The following IL1RAPL2 variants were observed in gnomAD, a reference collection of about 807,000 sequenced individuals.
IL1RAPL2 encodes interleukin 1 receptor accessory protein like 2.
A neutral mutation model predicts 44.1 loss-of-function variants in IL1RAPL2; 3 were observed. The observed-to-expected ratio is 0.07, with a 90% CI of 0.03 to 0.18. IL1RAPL2 has a LOEUF of 0.18. Among genes scored for constraint, IL1RAPL2 ranks in the 10% least tolerant of loss-of-function variants. The pLI, the probability that IL1RAPL2 is intolerant of heterozygous loss-of-function variation, is 1.00. For synonymous variants in IL1RAPL2, 181 were observed against 178.8 expected (o/e 1.01, Z -0.10); for missense variants, 391 against 496.4 (o/e 0.79, Z 2.02).
At chrX:105,220,959 G>A (rs1403090198) in intron 3 of IL1RAPL2, among the ~76,000 whole-genome samples, 2 of 111,955 alleles carry the variant, frequency 1.8e-5, no homozygotes, top group Non-Finnish European at 3.8e-5. Flanking sequence ...CCATGCCAAC[G>A]GCTAGTAGGG....
At chrX:105,530,073 G>A (rs1172507965) in intron 6 of IL1RAPL2, among the ~76,000 whole-genome samples, 2 of 111,803 alleles carry the variant, frequency 1.8e-5, no homozygotes, top group Non-Finnish European at 3.8e-5. Flanking sequence ...ATTCTCTTGG[G>A]TATATACATG....
intron 6 of IL1RAPL2, among the ~76,000 whole-genome samples, chrX:105,603,201 T>TA (rs1277074179): frequency 9.7e-6 from 1 of 103,497 alleles, no homozygotes; most frequent in African/African-American, 3.6e-5. Flanking sequence ...GTAAATATAT[T>TA]AAATCCCCAA....
At chrX:105,669,435 A>C (rs1371611397) in intron 6 of IL1RAPL2, among the ~76,000 whole-genome samples, 1 of 111,541 alleles carries the variant, frequency 9.0e-6, no homozygotes, top group Non-Finnish European at 1.9e-5. Context: ...CCCATAGCCA[A>C]ATACCTGAGA....
intron 2 of IL1RAPL2, among the ~76,000 whole-genome samples, chrX:104,800,460 A>AACAAG (rs1365678405): frequency 1.8e-5 from 2 of 112,192 alleles, no homozygotes; most frequent in Non-Finnish European, 3.8e-5. Flanking sequence ...GCAAGAGATC[A>AACAAG]GTGACACTGT....
At chrX:105,419,388 A>AT (rs761218963) in intron 5 of IL1RAPL2, among the ~76,000 whole-genome samples, 1 of 111,792 alleles carries the variant, frequency 8.9e-6, no homozygotes, top group African/African-American at 3.2e-5. Flanking sequence ...TAATAAGTAT[A>AT]TTTTACAGTC....
At chrX:105,389,875 CT>C (rs1335383597) in intron 5 of IL1RAPL2, among the ~76,000 whole-genome samples, 39 of 111,049 alleles carry the variant, frequency 3.5e-4, no homozygotes, top group African/African-American at 1.3e-3. Context: ...TGGTCTGTCA[CT>C]TTGGGACAAC....
intron 2 of IL1RAPL2, among the ~76,000 whole-genome samples, chrX:104,840,707 T>C (rs1479413397): frequency 9.4e-6 from 1 of 106,745 alleles, no homozygotes; most frequent in Non-Finnish European, 1.9e-5. Context: ...AGAGTTTCAC[T>C]CTTGTTGCCC....
chrX:105,337,958 A>G (rs2035042076), intron 5 of IL1RAPL2, among the ~76,000 whole-genome samples: 1 of 111,922 alleles, frequency 8.9e-6, no homozygotes, highest in South Asian at 3.7e-4. Flanking sequence ...TAAGAAGTAC[A>G]TTTCCAAAAG....
chrX:105,229,129 G>A (rs1263195946), intron 3 of IL1RAPL2, among the ~76,000 whole-genome samples: 1 of 111,943 alleles, frequency 8.9e-6, no homozygotes, highest in East Asian at 2.8e-4. Context: ...ACCTCACATA[G>A]CTCTAATTGT....
intron 2 of IL1RAPL2, among the ~76,000 whole-genome samples, chrX:104,845,574 G>C (rs1055137230): frequency 8.9e-6 from 1 of 111,964 alleles, no homozygotes; most frequent in Non-Finnish European, 1.9e-5. Context: ...TGTGAAGTTG[G>C]ACAGGCAGCT....
chrX:105,585,244 A>G (rs1052219907), intron 6 of IL1RAPL2, among the ~76,000 whole-genome samples: 2 of 108,959 alleles, frequency 1.8e-5, no homozygotes, highest in Non-Finnish European at 3.8e-5. Flanking sequence ...GGTTATGCTC[A>G]TTTTTTTTAC....
chrX:105,588,379 T>A (rs939573592), intron 6 of IL1RAPL2, among the ~76,000 whole-genome samples: 9 of 112,023 alleles, frequency 8.0e-5, no homozygotes, highest in Non-Finnish European at 1.7e-4. Context: ...TTTTAATTTT[T>A]AATTTTAATT....
At chrX:105,233,725 A>G (rs2034094696) in intron 3 of IL1RAPL2, 93 bp from the exon 4 acceptor site, 1 of 748,007 alleles carries the variant, frequency 1.3e-6, no homozygotes, top group Non-Finnish European at 1.9e-6. Flanking sequence ...GCAAGGTCCT[A>G]AATGGAAAAG....
At chrX:104,931,532 A>G (rs1303380960) in intron 2 of IL1RAPL2, among the ~76,000 whole-genome samples, 1 of 111,201 alleles carries the variant, frequency 9.0e-6, no homozygotes, top group Non-Finnish European at 1.9e-5. Context: ...AAGACAGGCC[A>G]GGTTGGATTT....
At chrX:105,398,311 C>A (rs1027510271) in intron 5 of IL1RAPL2, among the ~76,000 whole-genome samples, 1 of 110,686 alleles carries the variant, frequency 9.0e-6, no homozygotes, top group East Asian at 2.9e-4. Context: ...ATTCCAAATG[C>A]AACAGAGTAG....
At chrX:105,538,345 T>C (rs1233242225) in intron 6 of IL1RAPL2, among the ~76,000 whole-genome samples, 1 of 110,657 alleles carries the variant, frequency 9.0e-6, no homozygotes, top group Non-Finnish European at 1.9e-5. Flanking sequence ...CAATTTTCCC[T>C]TGTTTATTGG....
chrX:105,250,802 G>A (rs183962256), intron 4 of IL1RAPL2, among the ~76,000 whole-genome samples: 1 of 110,523 alleles, frequency 9.0e-6, no homozygotes, highest in African/African-American at 3.3e-5. Flanking sequence ...TTCATGAGAG[G>A]GGACATATTC....
chrX:105,355,010 G>A (rs2035190779), intron 5 of IL1RAPL2, among the ~76,000 whole-genome samples: 1 of 111,436 alleles, frequency 9.0e-6, no homozygotes, highest in South Asian at 3.8e-4. Context: ...ACAAAGCCCT[G>A]TCATCTTTAG....
intron 5 of IL1RAPL2, among the ~76,000 whole-genome samples, chrX:105,366,189 T>C (rs1016915931): frequency 2.7e-4 from 30 of 111,215 alleles, no homozygotes; most frequent in African/African-American, 9.8e-4. Context: ...TCAAGTGATC[T>C]GCCCACCTCA....
Sources: gnomAD v4.1 joint callset for allele counts (sites outside exome capture counted in the v4.1 genomes callset) on GRCh38, gnomAD v4.1.1 for gene constraint, MANE v1.5 for transcripts, NCBI Gene and HGNC (gene_info 2026-07-23, HGNC 2026-07-21) for gene names.